KCNB2: variants seen among roughly 807,000 people sequenced by gnomAD.
The protein encoded by KCNB2 is potassium voltage-gated channel subfamily B member 2, also known as delayed rectifier potassium channel protein.
Under a neutral mutation model 61.5 loss-of-function variants are expected in KCNB2, and 15 were observed. The ratio of observed to expected loss-of-function variants is 0.24; its 90% CI spans 0.16 to 0.38. The LOEUF (loss-of-function observed/expected upper bound fraction) is 0.38. Among genes scored for constraint, KCNB2 ranks in the 10% least tolerant of loss-of-function variants. The pLI is 1.00. For synonymous variants in KCNB2, 457 were observed against 446.0 expected, an observed-to-expected ratio of 1.02 and a Z score of -0.31; for missense variants, 828 against 1,125.2, an observed-to-expected ratio of 0.74 and a Z score of 3.78.
chr8:72,768,774 C>A (rs2128997013), intron 2 of KCNB2, among the ~76,000 whole-genome samples: 1 of 152,248 alleles, frequency 6.6e-6, no homozygotes, highest in Admixed American at 6.5e-5. Context: ...CATTCTTTTG[C>A]AAGTGGACAT....
chr8:72,852,420 C>T (rs1024437463), intron 2 of KCNB2, among the ~76,000 whole-genome samples: 37 of 152,152 alleles, frequency 2.4e-4, no homozygotes, highest in African/African-American at 8.7e-4. Context: ...TACTCATCAG[C>T]AGTATTTCAT....
chr8:72,874,985 T>G (rs996515583), intron 2 of KCNB2: 2 of 152,360 alleles, frequency 1.3e-5, no homozygotes, highest in African/African-American at 2.4e-5. Flanking sequence ...CACCCTCTGA[T>G]GGCAGGCTCA....
intron 2 of KCNB2, among the ~76,000 whole-genome samples, chr8:72,852,879 C>T (rs1372405712): frequency 1.3e-5 from 2 of 152,198 alleles, no homozygotes; most frequent in African/African-American, 4.8e-5. Flanking sequence ...AACACTTTCT[C>T]ATTAATACAA....
At chr8:72,542,105 A>G (rs567758270) in intron 1 of KCNB2, among the ~76,000 whole-genome samples, 6 of 152,162 alleles carry the variant, frequency 3.9e-5, no homozygotes, top group African/African-American at 1.4e-4. Flanking sequence ...GAAAACATAA[A>G]TTGAGATTTT....
chr8:72,556,265 A>C (rs1806424490), intron 1 of KCNB2, among the ~76,000 whole-genome samples: 1 of 152,178 alleles, frequency 6.6e-6, no homozygotes, highest in African/African-American at 2.4e-5. Flanking sequence ...ACATCCTAAG[A>C]TTCATAGATG....
At chr8:72,624,953 G>T (rs919044837) in intron 2 of KCNB2, among the ~76,000 whole-genome samples, 3 of 152,216 alleles carry the variant, frequency 2.0e-5, no homozygotes, top group Middle Eastern at 3.2e-3. Flanking sequence ...CCAGCCAACA[G>T]CTAGTGAGAA....
At chr8:72,920,471 A>ATATATATATATATGTGTG (rs1323200698) in intron 2 of KCNB2, among the ~76,000 whole-genome samples, 1 of 42,260 alleles carries the variant, frequency 2.4e-5, no homozygotes, top group African/African-American at 7.0e-5. Context: ...CTATCTATCT[A>ATATATATATATATGTGTG]TCTATATATA....
chr8:72,718,015 A>C (rs1034520977), intron 2 of KCNB2, among the ~76,000 whole-genome samples: 2 of 152,078 alleles, frequency 1.3e-5, no homozygotes, highest in African/African-American at 2.4e-5. Context: ...ATATGAACAG[A>C]CACTTCTCAA....
chr8:72,827,414 C>G (rs1186733128), intron 2 of KCNB2, among the ~76,000 whole-genome samples: 1 of 151,842 alleles, frequency 6.6e-6, no homozygotes, highest in Non-Finnish European at 1.5e-5. Context: ...AAATTCCAAC[C>G]AAAACATTTC....
At chr8:72,925,368 G>A (rs970530208) in intron 2 of KCNB2, among the ~76,000 whole-genome samples, 1 of 152,220 alleles carries the variant, frequency 6.6e-6, no homozygotes, top group African/African-American at 2.4e-5. Flanking sequence ...GGGACAGCTA[G>A]TATAAATAGG....
chr8:72,809,536 G>A lies in KCNB2; in HGVS notation c.580-126399G>A, dbSNP rs376863825. Among the ~76,000 whole-genome samples, 14 of 152,222 alleles carry A rather than the reference G, an allele frequency of 9.2e-5. No individual in the cohort carries two copies. The East Asian group carries it at 2.3e-3, about 25-fold the overall frequency. ...TAAATTTGATTAGCTCAGGGACATT[G>A]GTCTCTGAGATAAAGAAAGACTTCT... On this transcript the variant is annotated intron_variant, in intron 2 of 2. Coordinates refer to ENST00000523207, the MANE Select transcript of KCNB2 (RefSeq NM_004770.3).
chr8:72,647,613 G>C (rs1339230074), intron 2 of KCNB2, among the ~76,000 whole-genome samples: 2 of 152,110 alleles, frequency 1.3e-5, no homozygotes, highest in African/African-American at 2.4e-5. Context: ...CACTGACAGT[G>C]GGGGGCAGAA....
intron 2 of KCNB2, among the ~76,000 whole-genome samples, chr8:72,929,802 CT>C (rs917696637): frequency 1.1e-4 from 16 of 152,060 alleles, no homozygotes; most frequent in Admixed American, 1.0e-3. Context: ...TTTTTTATTT[CT>C]TTTTTTATTA....
At chr8:72,777,134 C>G (rs1438871764) in intron 2 of KCNB2, among the ~76,000 whole-genome samples, 1 of 152,186 alleles carries the variant, frequency 6.6e-6, no homozygotes, top group Non-Finnish European at 1.5e-5. Flanking sequence ...AGTATCTTCT[C>G]TCTTCCTCTT....
Position 72,920,477 on chromosome 8 carries a change from A to ATCTATC in KCNB2, c.580-15457_580-15456insCTATCT, listed in dbSNP as rs1563424693. 3.4e-3 allele frequency among the ~76,000 whole-genome samples: 127 copies of ATCTATC among 37,728 alleles called. 6 individuals carry two copies. The highest frequency in any genetic ancestry group is 0.01 in the African/African-American group (122 of 11,734). 24.8% of individuals were successfully genotyped at this position (37,728 alleles called of 152,430 possible). On this transcript the variant is annotated intron_variant, in intron 2 of 2. Coordinates refer to ENST00000523207, the MANE Select transcript of KCNB2 (RefSeq NM_004770.3). ...TCTATCTATCTATCTATCTATCTAT[A>ATCTATC]TATATATATATTAGCTGGCCATGGT... is the stretch of plus-strand genomic sequence containing the variant.
chr8:72,767,982 G>T (rs753968428), intron 2 of KCNB2, among the ~76,000 whole-genome samples: 2 of 152,116 alleles, frequency 1.3e-5, no homozygotes, highest in Non-Finnish European at 2.9e-5. Context: ...GTTTTACATC[G>T]TTTCATGTGT....
intron 2 of KCNB2, among the ~76,000 whole-genome samples, chr8:72,631,590 G>A (rs1805883162): frequency 6.6e-6 from 1 of 152,280 alleles, no homozygotes; most frequent in Middle Eastern, 3.4e-3. Context: ...TCTGAATGAG[G>A]TCACATTCTC....
At position 72,897,092 on chromosome 8, in the gene KCNB2, T is replaced by G. The variant is rs1053003390; in HGVS notation, c.580-38843T>G. 2.0e-5 allele frequency among the ~76,000 whole-genome samples: 3 copies of G among 152,114 alleles called. No individual in the cohort carries two copies. In the East Asian group the frequency reaches 5.8e-4, roughly 29 times the overall value. The stretch of plus-strand genomic sequence containing the variant: ...AGATGGAACTTTTTTTATTCCATCA[T>G]TACAATGTAGGAAATTGCCTTGATC... On this transcript the variant is annotated intron_variant, in intron 2 of 2. Transcript: ENST00000523207.
intron 2 of KCNB2, among the ~76,000 whole-genome samples, chr8:72,593,326 G>A (rs897857263): frequency 6.6e-6 from 1 of 152,080 alleles, no homozygotes; most frequent in African/African-American, 2.4e-5. Flanking sequence ...AAGTCCTTAA[G>A]GTACACTGAA....
Sources: allele counts gnomAD v4.1 joint callset (sites outside exome capture counted in the v4.1 genomes callset), GRCh38; gene constraint gnomAD v4.1.1; transcripts MANE v1.5; gene names NCBI Gene and HGNC (gene_info 2026-07-23, HGNC 2026-07-21).